The following IKZF3 variants were observed in gnomAD, a reference collection of about 807,000 sequenced individuals.
IKZF3 encodes zinc finger protein Aiolos.
Under a neutral mutation model 49.0 loss-of-function variants are expected in IKZF3, and 10 were observed. That is an observed-to-expected ratio of 0.20 (90% CI 0.13 to 0.35). The LOEUF is 0.35. Ranked by LOEUF, IKZF3 falls within the 10% of genes least tolerant of loss-of-function variation. The probability of loss-of-function intolerance (pLI) is 1.00; values close to 1 mark genes in which losing one functional copy is unlikely to be tolerated. For synonymous variants in IKZF3, 209 were observed against 228.2 expected (o/e 0.92, Z 0.76); for missense variants, 498 against 664.8 (o/e 0.75, Z 2.76).
Position 39,759,260 on chromosome 17 carries a change from A to C in IKZF3, c.*6530T>G, listed in dbSNP as rs1283783610. The C allele has an allele frequency of 6.6e-6, 1 of 152,118 alleles. No homozygotes were observed. Among genetic ancestry groups the C allele is most frequent in the Non-Finnish European group, 1.5e-5 (1 of 68,038 alleles). The allele number at this position is 152,118 out of a possible 1,614,324, so 9.4% of individuals were successfully genotyped here. ...GTGAGACCCTGTCTCTACAAAAAGT[A>C]CAAAAATTAGCTGGGTGTGGTGACC... On this transcript the variant is annotated 3_prime_UTR_variant, in exon 8 of 8. Coordinates refer to ENST00000346872, the MANE Select transcript of IKZF3 (RefSeq NM_012481.5).
At chr17:39,772,550 C>G (rs1042544659) in intron 7 of IKZF3, among the ~76,000 whole-genome samples, 1 of 152,184 alleles carries the variant, frequency 6.6e-6, no homozygotes, top group African/African-American at 2.4e-5. Flanking sequence ...ACTAACACTT[C>G]TTGCAGGAGG....
rs747213599 is a variant in IKZF3, at chr17:39,766,261, G to A, written c.1059C>T (p.Asn353=). ...PIALTRAEMS[N]GAPQELEKKS... Reference sequence around the variant, plus strand: ...TCTTTTCCAGCTCTTGAGGGGCACCGTTTGACATCTCAGCCCGGGTGAGGG... The same window carrying A: ...TCTTTTCCAGCTCTTGAGGGGCACCATTTGACATCTCAGCCCGGGTGAGGG... The change falls in exon 8 of 8, where the codon AAC becomes AAT. Residue 353 remains asparagine, a synonymous_variant. Coordinates refer to ENST00000346872, the MANE Select transcript of IKZF3 (RefSeq NM_012481.5). 23 of 1,614,032 alleles carry A rather than the reference G, an allele frequency of 1.4e-5. No individual in the cohort carries two copies. Among genetic ancestry groups the A allele is most frequent in the African/African-American group, 1.2e-4 (9 of 74,892 alleles).
chr17:39,796,942 A>C (rs1228568913), intron 3 of IKZF3, among the ~76,000 whole-genome samples: 2 of 151,104 alleles, frequency 1.3e-5, no homozygotes, highest in Non-Finnish European at 3.0e-5. Flanking sequence ...AGGCGGGTGG[A>C]TCATGAGGTC....
chr17:39,767,413 T>C lies in IKZF3; in HGVS notation c.827-920A>G, dbSNP rs146797067. ...GGGAAGGCAGGGATGGGGACTGCAG[T>C]GAGGGCAGATGTGCTCAGTGGTGAG... On this transcript the variant is annotated intron_variant, in intron 7 of 7. Coordinates refer to ENST00000346872, the MANE Select transcript of IKZF3 (RefSeq NM_012481.5). Among the ~76,000 whole-genome samples, 264 of 152,088 alleles carry C rather than the reference T, an allele frequency of 1.7e-3. 1 individual carries two copies. Among genetic ancestry groups the C allele is most frequent in the African/African-American group, 5.7e-3 (238 of 41,498 alleles).
In IKZF3 at chr17:39,818,587, G is replaced by A. The variant is rs536054915; in HGVS notation, c.163+10800C>T. On this transcript the variant is annotated intron_variant, in intron 3 of 7. Transcript: ENST00000346872. Reference sequence around the variant, plus strand: ...TAAAATTAGCCTACTCAGGCCAGGAGTGGTGTAATCCTAGCACTTCGGGAG... The same window carrying A: ...TAAAATTAGCCTACTCAGGCCAGGAATGGTGTAATCCTAGCACTTCGGGAG... Among the ~76,000 whole-genome samples, 13 of 152,242 alleles carry A rather than the reference G, an allele frequency of 8.5e-5. No homozygotes were observed. The South Asian group carries it at 2.5e-3, about 29-fold the overall frequency.
chr17:39,814,529 C>T (rs1338262943), intron 3 of IKZF3, among the ~76,000 whole-genome samples: 1 of 152,056 alleles, frequency 6.6e-6, no homozygotes, highest in East Asian at 1.9e-4. Context: ...TTGGAAATAT[C>T]GTCATAGTAG....
At chr17:39,853,784 A>G (rs9907291) in intron 1 of IKZF3, among the ~76,000 whole-genome samples, 13,788 of 147,614 alleles carry the variant, frequency 0.093, 1,298 homozygotes, top group African/African-American at 0.25. Flanking sequence ...GTAGTGAGCC[A>G]AGATCGCACC....
chr17:39,839,965 T>G (rs1395854946), intron 1 of IKZF3, among the ~76,000 whole-genome samples: 1 of 152,018 alleles, frequency 6.6e-6, no homozygotes, highest in Non-Finnish European at 1.5e-5. Flanking sequence ...CTGACCAGAC[T>G]TTTTACTTTT....
intron 3 of IKZF3, among the ~76,000 whole-genome samples, chr17:39,825,940 T>C (rs189509383): frequency 6.6e-6 from 1 of 152,224 alleles, no homozygotes; most frequent in East Asian, 1.9e-4. Context: ...TCCCCTACAA[T>C]TGACTTTGGA....
chr17:39,858,615 G>C (rs9915797), intron 1 of IKZF3, among the ~76,000 whole-genome samples: 1 of 151,484 alleles, frequency 6.6e-6, no homozygotes, highest in African/African-American at 2.4e-5. Context: ...GGTTCAACCA[G>C]TTCTCCTGTC....
chr17:39,831,398 A>C (rs754818462), intron 2 of IKZF3, among the ~76,000 whole-genome samples: 16 of 152,128 alleles, frequency 1.1e-4, no homozygotes, highest in Non-Finnish European at 2.1e-4. Context: ...AGAAAGAAAG[A>C]TGTGATTACA....
intron 3 of IKZF3, among the ~76,000 whole-genome samples, chr17:39,800,120 G>A (rs1396447312): frequency 6.6e-6 from 1 of 152,190 alleles, no homozygotes; most frequent in Non-Finnish European, 1.5e-5. Context: ...TTGGGGAACT[G>A]CCTGATAGTA....
chr17:39,796,125 T>A (rs528781601), intron 3 of IKZF3, among the ~76,000 whole-genome samples: 16 of 152,252 alleles, frequency 1.1e-4, no homozygotes, highest in Admixed American at 9.8e-4. Flanking sequence ...GTACTCAGCC[T>A]CCAAACACAG....
At chr17:39,829,778 C>T (rs184989288) in intron 2 of IKZF3, among the ~76,000 whole-genome samples, 1 of 152,058 alleles carries the variant, frequency 6.6e-6, no homozygotes, top group East Asian at 1.9e-4. Flanking sequence ...ATGGTGAAAC[C>T]CCATCTCTAC....
intron 3 of IKZF3, among the ~76,000 whole-genome samples, chr17:39,796,639 C>T (rs541663449): frequency 3.3e-5 from 5 of 150,760 alleles, no homozygotes; most frequent in East Asian, 4.0e-4. Context: ...CTCCCTGGTT[C>T]AAGCGATTCT....
Position 39,789,934 on chromosome 17 carries a change from T to C in IKZF3, c.592+1482A>G, listed in dbSNP as rs368709967. Among the ~76,000 whole-genome samples the C allele has an allele frequency of 1.5e-3, 227 of 149,438 alleles. 1 individual carries two copies. Among genetic ancestry groups the C allele is most frequent in the African/African-American group, 5.4e-3 (221 of 40,734 alleles). ...AAAAAAAGAGAGAAATAAAAATGAA[T>C]TGTAAAAATGACTTCGTCTAAATGT... On this transcript the variant is annotated intron_variant, in intron 5 of 7. Coordinates refer to ENST00000346872, the MANE Select transcript of IKZF3 (RefSeq NM_012481.5).
intron 7 of IKZF3, among the ~76,000 whole-genome samples, chr17:39,769,252 C>T (rs934259090): frequency 7.2e-5 from 11 of 152,184 alleles, no homozygotes; most frequent in Non-Finnish European, 1.3e-4. Flanking sequence ...TTGAGAAAGA[C>T]AGGTTTGTGG....
intron 7 of IKZF3, among the ~76,000 whole-genome samples, chr17:39,774,650 G>A (rs2060533252): frequency 6.6e-6 from 1 of 152,086 alleles, no homozygotes; most frequent in Admixed American, 6.6e-5. Context: ...TAGGATATAA[G>A]TTAATGCAAG....
In IKZF3 at chr17:39,763,241, C is replaced by T. The variant is rs2060219502; in HGVS notation, c.*2549G>A. On this transcript the variant is annotated 3_prime_UTR_variant, in exon 8 of 8. Coordinates refer to ENST00000346872, the MANE Select transcript of IKZF3 (RefSeq NM_012481.5). Reference sequence around the variant, plus strand: ...AAACCTTTTTTCCTGAGACAGACGCCATGCCACAAAGAAGGATAAGCCATT... The same window carrying T: ...AAACCTTTTTTCCTGAGACAGACGCTATGCCACAAAGAAGGATAAGCCATT... The T allele has an allele frequency of 6.6e-6, 1 of 152,126 alleles. No individual in the cohort carries two copies. Among genetic ancestry groups the T allele is most frequent in the East Asian group, 1.9e-4 (1 of 5,200 alleles). The allele number at this position is 152,126 out of a possible 1,614,324, so 9.4% of individuals were successfully genotyped here.
Sources: gnomAD v4.1 joint callset for allele counts (sites outside exome capture counted in the v4.1 genomes callset) on GRCh38, gnomAD v4.1.1 for gene constraint, MANE v1.5 for transcripts, NCBI Gene and HGNC (gene_info 2026-07-23, HGNC 2026-07-21) for gene names.